The following PDE6A variants were observed in gnomAD, a reference collection of about 807,000 sequenced individuals.
PDE6A encodes the protein phosphodiesterase 6A, also known as rod cGMP-specific 3',5'-cyclic phosphodiesterase subunit alpha.
In PDE6A, 84 loss-of-function variants were observed where a neutral mutation model predicts 106.3. That is an observed-to-expected ratio of 0.79 (90% CI 0.66 to 0.95). The LOEUF is 0.95. Among genes scored for constraint, PDE6A ranks in the 40% least tolerant of loss-of-function variants. PDE6A has a pLI of 0.00. For missense variants in PDE6A, 1,052 were observed against 1,084.9 expected, an observed-to-expected ratio of 0.97 and a Z score of 0.43; for synonymous variants, 394 against 386.6, an observed-to-expected ratio of 1.02 and a Z score of -0.23.
At chr5:149,907,287 C>A in intron 7 of PDE6A, 25 bp downstream of exon 7, 1 of 1,562,370 alleles carries the variant, frequency 6.4e-7, no homozygotes, top group Non-Finnish European at 8.8e-7. Flanking sequence ...CCAAAACTCT[C>A]CCCCTTCAAA....
chr5:149,895,048 T>C, intron 13 of PDE6A, 135 bp downstream of exon 13: 1 of 697,418 alleles, frequency 1.4e-6, no homozygotes, highest in Non-Finnish European at 2.7e-6. Flanking sequence ...ACTAAGCCCG[T>C]ACTGCTTTCA....
chr5:149,889,006 C>A (rs1752435303), intron 13 of PDE6A, among the ~76,000 whole-genome samples: 1 of 143,722 alleles, frequency 7.0e-6, no homozygotes, highest in African/African-American at 2.7e-5. Context: ...TGGCGTGAAC[C>A]CGGGAGGCAG....
At chr5:149,918,991 G>A (rs1230180201) in intron 5 of PDE6A, among the ~76,000 whole-genome samples, 1 of 152,090 alleles carries the variant, frequency 6.6e-6, no homozygotes, top group Non-Finnish European at 1.5e-5. Context: ...AGAAAGCAAA[G>A]GTGGCTGCTT....
intron 6 of PDE6A, among the ~76,000 whole-genome samples, chr5:149,911,078 G>T (rs931699832): frequency 6.6e-6 from 1 of 151,556 alleles, no homozygotes; most frequent in African/African-American, 2.4e-5. Context: ...ATGGGGTCTT[G>T]CCATATTGCC....
At chr5:149,904,671 G>A (rs781094791) in intron 7 of PDE6A, among the ~76,000 whole-genome samples, 3 of 152,092 alleles carry the variant, frequency 2.0e-5, no homozygotes, top group Non-Finnish European at 4.4e-5. Context: ...GGCTGTCTGT[G>A]GTCTTAGAGA....
rs148379691 is a variant in PDE6A at position 149,909,340 on chromosome 5, A to G, written c.999-1962T>C. On this transcript the variant is annotated intron_variant, in intron 6 of 21. Coordinates refer to ENST00000255266, the MANE Select transcript of PDE6A (RefSeq NM_000440.3). ...CCCAGCCAATTTTTAAAATTTTTTT[A>G]TAGAGACAGGGCAACCACTGGCAAG... Among the ~76,000 whole-genome samples, 927 of 152,296 alleles carry G rather than the reference A, an allele frequency of 6.1e-3. 3 individuals carry two copies. Among genetic ancestry groups the G allele is most frequent in the Non-Finnish European group, 0.01 (712 of 68,026 alleles).
intron 7 of PDE6A, among the ~76,000 whole-genome samples, chr5:149,906,387 G>A (rs973386320): frequency 2.1e-4 from 32 of 151,400 alleles, no homozygotes; most frequent in African/African-American, 7.0e-4. Flanking sequence ...TTAGCTGGGT[G>A]TGGTGGTGCA....
At chr5:149,893,434 C>A (rs1482601767) in intron 13 of PDE6A, among the ~76,000 whole-genome samples, 1 of 152,188 alleles carries the variant, frequency 6.6e-6, no homozygotes, top group East Asian at 1.9e-4. Context: ...ATGAAGGAAA[C>A]CGTACTCTGA....
At chr5:149,867,852 C>T in intron 18 of PDE6A, 53 bp from the exon 19 acceptor site, 1 of 1,530,448 alleles carries the variant, frequency 6.5e-7, no homozygotes. Context: ...GCCCAATCCC[C>T]TACCCCTGCT....
chr5:149,932,889 T>A (rs755535991), intron 3 of PDE6A, among the ~76,000 whole-genome samples: 4 of 152,332 alleles, frequency 2.6e-5, no homozygotes, highest in South Asian at 2.1e-4. Context: ...AAGTGGGCGC[T>A]CTCAGAGGCA....
intron 6 of PDE6A, among the ~76,000 whole-genome samples, chr5:149,908,814 C>T (rs1193492794): frequency 6.6e-6 from 1 of 151,972 alleles, no homozygotes; most frequent in African/African-American, 2.4e-5. Context: ...ACCAAGAGTC[C>T]AGGGCCAGCC....
In PDE6A at chr5:149,858,814, A is replaced by ATTTTTTTTT. The variant is rs1760022394; in HGVS notation, c.*2080_*2081insAAAAAAAAA. ...GAAAGAGAGAAATTCTATCTGCCAC[A>ATTTTTTTTT]TCTTTTTTTTTTCTTTTTTTTTTTT... is the stretch of plus-strand genomic sequence containing the variant. On this transcript the variant is annotated 3_prime_UTR_variant, in exon 22 of 22. Coordinates refer to ENST00000255266, the MANE Select transcript of PDE6A (RefSeq NM_000440.3). The ATTTTTTTTT allele has an allele frequency of 2.9e-5, 3 of 104,018 alleles. No homozygotes were observed. Among genetic ancestry groups the ATTTTTTTTT allele is most frequent in the African/African-American group, 1.1e-4 (3 of 27,762 alleles). 6.4% of individuals were successfully genotyped at this position (104,018 alleles called of 1,614,324 possible). A position where few individuals can be genotyped will look rare whatever the true frequency, so the allele number is the denominator to read the frequency against.
rs886060214 is a variant in PDE6A, at chr5:149,860,637, A to AT, written c.*257dup. Reference sequence around the variant, plus strand: ...ATAAACTTTCTTAAAACATTATGAAATTTTTTTTTTTGGCGATTTTTTTTT... The same window carrying AT: ...ATAAACTTTCTTAAAACATTATGAAATTTTTTTTTTTTGGCGATTTTTTTTT... On this transcript the variant is annotated 3_prime_UTR_variant, in exon 22 of 22. Transcript: ENST00000255266. The AT allele has an allele frequency of 0.041, 13,924 of 338,338 alleles. No individual in the cohort carries two copies. The highest frequency in any genetic ancestry group is 0.063 in the Middle Eastern group (77 of 1,224). 21.0% of individuals were successfully genotyped at this position (338,338 alleles called of 1,614,324 possible).
chr5:149,886,126 AC>A, intron 14 of PDE6A, 138 bp downstream of exon 14: 1 of 707,388 alleles, frequency 1.4e-6, no homozygotes, highest in East Asian at 2.7e-5. Flanking sequence ...ACAGGAGGAG[AC>A]CCGGATCCCA....
rs923959693 is a variant in PDE6A, at chr5:149,943,864, G to T, written c.474+336C>A. The stretch of plus-strand genomic sequence containing the variant: ...ACCTATCCACAGTACAATGATGGGA[G>T]CATCGCCAGTACTTACAGACAAAGG... On this transcript the variant is annotated intron_variant, in intron 1 of 21. Transcript: ENST00000255266. Among the ~76,000 whole-genome samples the T allele has an allele frequency of 2.0e-5, 3 of 152,268 alleles. No homozygotes were observed. In the South Asian group the frequency reaches 6.2e-4, roughly 32 times the overall value.
chr5:149,902,505 TA>T (rs33979095), intron 8 of PDE6A, among the ~76,000 whole-genome samples: 32,545 of 140,534 alleles, frequency 0.23, 4,688 homozygotes, highest in African/African-American at 0.43. Context: ...AAACATTTGT[TA>T]AAAAAAAAAA....
chr5:149,900,726 A>C (rs895940598), intron 8 of PDE6A, among the ~76,000 whole-genome samples: 2 of 152,060 alleles, frequency 1.3e-5, no homozygotes, highest in African/African-American at 4.8e-5. Context: ...GAGTGTCTCC[A>C]AAAGGATGCA....
chr5:149,903,821 T>A, intron 7 of PDE6A, 126 bp from the exon 8 acceptor site: 1 of 809,438 alleles, frequency 1.2e-6, no homozygotes, highest in East Asian at 2.4e-5. Flanking sequence ...TTTCATCAGG[T>A]AGACATAGTC....
rs548099959 is a variant in PDE6A at position 149,920,195 on chromosome 5, C to T, written c.933+1440G>A. ...AAACAAAAACAAATAAAATAAAATG[C>T]TGCAATTGGATGAGATCAGAGATCA... On this transcript the variant is annotated intron_variant, in intron 5 of 21. Coordinates refer to ENST00000255266, the MANE Select transcript of PDE6A (RefSeq NM_000440.3). Among the ~76,000 whole-genome samples, 6 of 152,082 alleles carry T rather than the reference C, an allele frequency of 3.9e-5. No homozygotes were observed. The South Asian group carries it at 1.0e-3, about 26-fold the overall frequency.
Sources: allele counts gnomAD v4.1 joint callset (sites outside exome capture counted in the v4.1 genomes callset), GRCh38; gene constraint gnomAD v4.1.1; transcripts MANE v1.5; gene names NCBI Gene and HGNC (gene_info 2026-07-23, HGNC 2026-07-21).